Variants in UNC13B observed in about 807,000 individuals in gnomAD.
The protein encoded by UNC13B is protein unc-13 homolog B.
In UNC13B, 144 loss-of-function variants were observed where a neutral mutation model predicts 211.0. That is an observed-to-expected ratio of 0.68 (90% confidence interval 0.60 to 0.78). The LOEUF is 0.78. Ranked by LOEUF, UNC13B falls within the 30% of genes least tolerant of loss-of-function variation. The pLI is 0.00. For missense variants in UNC13B, 1,777 were observed against 2,002.0 expected (o/e 0.89, Z 2.14); for synonymous variants, 709 against 725.8 (o/e 0.98, Z 0.37).
chr9:35,163,729 A>G (rs1477754210), intron 1 of UNC13B, among the ~76,000 whole-genome samples: 1 of 152,246 alleles, frequency 6.6e-6, no homozygotes, highest in African/African-American at 2.4e-5. Context: ...AACTGAATTT[A>G]TATAACTACT....
rs1266098812 is a variant in UNC13B, at chr9:35,302,698, TAAG to T, written c.3297_3299del (p.Lys1099del). On this transcript the variant is annotated inframe_deletion, in exon 9 of 40. Coordinates refer to ENST00000635942, the MANE Select transcript of UNC13B (RefSeq NM_001371189.2). ...TAACTTCAGATCCTTTAGGAGAAGATAAGAATCTTATACAAGCAGCATCTTCAG... is the reference window on the plus strand; with the variant it reads ...TAACTTCAGATCCTTTAGGAGAAGATAATCTTATACAAGCAGCATCTTCAG... 3 of 398,662 alleles carry T rather than the reference TAAG, an allele frequency of 7.5e-6. No individual in the cohort carries two copies. Among genetic ancestry groups the T allele is most frequent in the Non-Finnish European group, 1.3e-5 (3 of 225,748 alleles). The allele number at this position is 398,662 out of a possible 1,614,324, so 24.7% of individuals were successfully genotyped here.
At chr9:35,228,105 T>TA (rs1335233337) in intron 2 of UNC13B, 61 bp downstream of exon 2, 21 of 1,410,998 alleles carry the variant, frequency 1.5e-5, no homozygotes, top group Non-Finnish European at 1.8e-5. Context: ...CAAAGCAATT[T>TA]AAAAAAATTA....
intron 6 of UNC13B, among the ~76,000 whole-genome samples, chr9:35,251,401 A>T (rs1488627698): frequency 6.6e-6 from 1 of 152,100 alleles, no homozygotes; most frequent in Non-Finnish European, 1.5e-5. Flanking sequence ...AGCCTGACCA[A>T]CATGGTGAAA....
chr9:35,238,295 A>G (rs1825624964), intron 5 of UNC13B, among the ~76,000 whole-genome samples: 1 of 152,160 alleles, frequency 6.6e-6, no homozygotes, highest in Admixed American at 6.5e-5. Context: ...TTAAAAGTTT[A>G]TTTTCCCAGT....
intron 1 of UNC13B, among the ~76,000 whole-genome samples, chr9:35,188,364 A>T (rs1822474928): frequency 6.6e-6 from 1 of 152,264 alleles, no homozygotes; most frequent in South Asian, 2.1e-4. Context: ...ACTGACAAAT[A>T]AGTTTAGTTA....
intron 5 of UNC13B, among the ~76,000 whole-genome samples, chr9:35,239,576 C>T (rs1427582044): frequency 6.6e-6 from 1 of 152,124 alleles, no homozygotes; most frequent in Non-Finnish European, 1.5e-5. Context: ...GCTTTGAGAG[C>T]AGACAACTGG....
chr9:35,309,261 GTGTA>G (rs1182728011), intron 9 of UNC13B, among the ~76,000 whole-genome samples: 25 of 119,176 alleles, frequency 2.1e-4, no homozygotes, highest in Middle Eastern at 4.2e-3. Flanking sequence ...GTGTGTGTGT[GTGTA>G]TACTTATGTA....
At chr9:35,181,422 AATTT>A (rs1821933396) in intron 1 of UNC13B, among the ~76,000 whole-genome samples, 1 of 152,200 alleles carries the variant, frequency 6.6e-6, no homozygotes, top group Non-Finnish European at 1.5e-5. Flanking sequence ...TATGACCTGA[AATTT>A]ATTTAATCTA....
At chr9:35,228,668 T>C (rs1330868636) in intron 2 of UNC13B, among the ~76,000 whole-genome samples, 1 of 151,428 alleles carries the variant, frequency 6.6e-6, no homozygotes, top group African/African-American at 2.4e-5. Flanking sequence ...ACATATCTTA[T>C]GCAACCTGCT....
chr9:35,251,616 T>C (rs1232690903), intron 6 of UNC13B, among the ~76,000 whole-genome samples: 2 of 152,086 alleles, frequency 1.3e-5, no homozygotes, highest in African/African-American at 2.4e-5. Flanking sequence ...AGGTATTATC[T>C]TGTCTCACCC....
At chr9:35,295,467 G>A (rs1423532583) in intron 7 of UNC13B, among the ~76,000 whole-genome samples, 1 of 152,078 alleles carries the variant, frequency 6.6e-6, no homozygotes, top group East Asian at 1.9e-4. Context: ...CTAAGAATAA[G>A]CACTAAAATT....
chr9:35,162,626 G>A (rs60707010), intron 1 of UNC13B, among the ~76,000 whole-genome samples: 5,813 of 152,268 alleles, frequency 0.038, 307 homozygotes, highest in African/African-American at 0.12. Context: ...GATGGTTGGT[G>A]CCTGTGAATG....
Position 35,162,320 on chromosome 9 carries a change from TGAGGCGGG to T in UNC13B, c.22+25_22+32del. 1.3e-6 allele frequency: 2 copies of T among 1,538,490 alleles called. No homozygotes were observed. Among genetic ancestry groups the T allele is most frequent in the Non-Finnish European group, 1.7e-6 (2 of 1,146,370 alleles). Reference sequence around the variant, plus strand: ...CTGCGTGCGCGGTGAGTGCGCGGACTGAGGCGGGGAGGCGGGGTGTCGGCGTAGAGGTC... The same window carrying T: ...CTGCGTGCGCGGTGAGTGCGCGGACTGAGGCGGGGTGTCGGCGTAGAGGTC... On this transcript the variant is annotated intron_variant, in intron 1 of 39. Transcript: ENST00000635942.
At chr9:35,353,315 G>C (rs1832836410) in intron 11 of UNC13B, 4 of 1,232,044 alleles carry the variant, frequency 3.2e-6, no homozygotes, top group Non-Finnish European at 4.0e-6. Flanking sequence ...TGCTCTGCAG[G>C]GTGTGTTTCA....
chr9:35,367,069 CAG>C, intron 12 of UNC13B, 76 bp downstream of exon 12: 1 of 1,425,682 alleles, frequency 7.0e-7, no homozygotes, highest in Non-Finnish European at 9.9e-7. Context: ...CCCTGGGAAG[CAG>C]GGGAACCAGC....
At chr9:35,167,464 T>C (rs1821098491) in intron 1 of UNC13B, among the ~76,000 whole-genome samples, 1 of 152,178 alleles carries the variant, frequency 6.6e-6, no homozygotes, top group Non-Finnish European at 1.5e-5. Context: ...ACCATTCTTT[T>C]GAATGGCTGC....
chr9:35,355,264 C>T (rs1046744011), intron 11 of UNC13B, among the ~76,000 whole-genome samples: 16 of 152,072 alleles, frequency 1.1e-4, no homozygotes, highest in African/African-American at 3.4e-4. Context: ...ATGTAAGAAA[C>T]GGATACATTG....
At chr9:35,204,109 G>T (rs1823498642) in intron 1 of UNC13B, among the ~76,000 whole-genome samples, 1 of 152,240 alleles carries the variant, frequency 6.6e-6, no homozygotes, top group African/African-American at 2.4e-5. Flanking sequence ...AAGGGCCCAG[G>T]TATAGCTTGG....
intron 1 of UNC13B, among the ~76,000 whole-genome samples, chr9:35,200,443 C>T (rs1179345238): frequency 1.3e-5 from 2 of 152,300 alleles, no homozygotes; most frequent in South Asian, 2.1e-4. Context: ...GCCATTTTCA[C>T]AATATTCATT....
Sources: gnomAD v4.1 joint callset for allele counts (sites outside exome capture counted in the v4.1 genomes callset) on GRCh38, gnomAD v4.1.1 for gene constraint, MANE v1.5 for transcripts, NCBI Gene and HGNC (gene_info 2026-07-23, HGNC 2026-07-21) for gene names.